The following SYT16 variants were observed in gnomAD, a reference collection of about 807,000 sequenced individuals.
The protein encoded by SYT16 is synaptotagmin 16.
Under a neutral mutation model 61.4 loss-of-function variants are expected in SYT16, and 42 were observed. The ratio of observed to expected loss-of-function variants is 0.68; its 90% CI spans 0.53 to 0.89. SYT16 has a LOEUF of 0.89. SYT16 is among the 40% of genes least tolerant of loss of function. The pLI is 0.00. For synonymous variants in SYT16, 314 were observed against 302.3 expected (o/e 1.04, Z -0.40); for missense variants, 804 against 807.3 (o/e 1.00, Z 0.05).
intron 3 of SYT16, among the ~76,000 whole-genome samples, chr14:62,005,760 C>T (rs1399150771): frequency 6.6e-6 from 1 of 152,278 alleles, no homozygotes; most frequent in African/African-American, 2.4e-5. Flanking sequence ...CTACCACGTA[C>T]AAAACATTGT....
rs76316157 is a variant in SYT16 at position 61,845,878 on chromosome 14, C to T, written c.-325+33068C>T. ...GTTTTGGTATGGGACTTATGTGTTT[C>T]CATTATCATTTGTTTCAAGAAAATT... On this transcript the variant is annotated intron_variant, in intron 1 of 7. Coordinates refer to ENST00000683842, the MANE Select transcript of SYT16 (RefSeq NM_001367656.1). Among the ~76,000 whole-genome samples, 237 of 152,182 alleles carry T rather than the reference C, an allele frequency of 1.6e-3. 2 individuals are homozygous for T. The highest frequency in any genetic ancestry group is 5.4e-3 in the African/African-American group (224 of 41,552).
rs2057444867 is a variant in SYT16 at position 62,102,712 on chromosome 14, T to A, written c.*2005T>A. ...AGTAACATAATAGCAGCATTCATTT[T>A]AAAATTTACATTTGAAAAAAATCTG... On this transcript the variant is annotated 3_prime_UTR_variant, in exon 8 of 8. Transcript: ENST00000683842. 6.6e-6 allele frequency: 1 copy of A among 152,232 alleles called. No homozygotes were observed. Among genetic ancestry groups the A allele is most frequent in the African/African-American group, 2.4e-5 (1 of 41,460 alleles). 9.4% of individuals were successfully genotyped at this position (152,232 alleles called of 1,614,324 possible).
intron 1 of SYT16, chr14:61,832,217 A>G (rs2045961203): frequency 1.6e-6 from 1 of 637,570 alleles, no homozygotes; most frequent in South Asian, 1.4e-5. Context: ...GGTGCTTGAC[A>G]TGGGCCACAT....
At chr14:61,822,926 A>G (rs2045659142) in intron 1 of SYT16, among the ~76,000 whole-genome samples, 1 of 152,184 alleles carries the variant, frequency 6.6e-6, no homozygotes, top group African/African-American at 2.4e-5. Context: ...GTACCTTGCC[A>G]ATGTGTGAGG....
chr14:62,037,598 CTGTT>C (rs1314827669), intron 3 of SYT16, among the ~76,000 whole-genome samples: 1 of 152,140 alleles, frequency 6.6e-6, no homozygotes, highest in East Asian at 1.9e-4. Context: ...ACTTATCTCT[CTGTT>C]AGTTTGAATA....
chr14:62,095,448 C>A (rs919829400), intron 7 of SYT16, among the ~76,000 whole-genome samples: 3 of 151,734 alleles, frequency 2.0e-5, no homozygotes, highest in African/African-American at 7.3e-5. Context: ...TGTTATAATA[C>A]ATCAGCAACA....
intron 3 of SYT16, among the ~76,000 whole-genome samples, chr14:62,009,642 A>T (rs191635346): frequency 1.1e-3 from 166 of 152,282 alleles, no homozygotes; most frequent in African/African-American, 3.9e-3. Context: ...GAGCAGTAAA[A>T]AGACATTGAA....
At chr14:61,834,199 C>T (rs148410171) in intron 1 of SYT16, among the ~76,000 whole-genome samples, 3,067 of 151,970 alleles carry the variant, frequency 0.02, 102 homozygotes, top group African/African-American at 0.07. Context: ...GGTGCGATCT[C>T]GGCTCACTGT....
chr14:61,887,629 C>T (rs1470937806), intron 1 of SYT16, among the ~76,000 whole-genome samples: 2 of 152,240 alleles, frequency 1.3e-5, no homozygotes, highest in African/African-American at 4.8e-5. Flanking sequence ...GCACTTGCTG[C>T]TTTGCCTTGC....
chr14:61,976,073 C>A (rs148755864), intron 2 of SYT16, among the ~76,000 whole-genome samples: 2 of 152,316 alleles, frequency 1.3e-5, no homozygotes, highest in East Asian at 3.9e-4. Context: ...GGGCTACAGG[C>A]CCCATGCAGG....
chr14:62,019,583 C>CT (rs1238345846), intron 3 of SYT16, among the ~76,000 whole-genome samples: 6 of 152,038 alleles, frequency 3.9e-5, no homozygotes, highest in Non-Finnish European at 7.4e-5. Flanking sequence ...TATTGCTGTA[C>CT]TTTTTTTTGT....
intron 1 of SYT16, among the ~76,000 whole-genome samples, chr14:61,885,841 A>C (rs557647130): frequency 1.3e-5 from 2 of 152,324 alleles, no homozygotes; most frequent in South Asian, 2.1e-4. Context: ...ATAGCTAAAA[A>C]ATACCAACAG....
At chr14:61,851,363 A>G (rs2046614535) in intron 1 of SYT16, among the ~76,000 whole-genome samples, 2 of 152,214 alleles carry the variant, frequency 1.3e-5, no homozygotes, top group African/African-American at 2.4e-5. Flanking sequence ...TAGTGCTGCA[A>G]TGAACATACG....
chr14:61,953,429 T>G (rs1003655663), intron 1 of SYT16, among the ~76,000 whole-genome samples: 2 of 152,134 alleles, frequency 1.3e-5, no homozygotes, highest in African/African-American at 4.8e-5. Flanking sequence ...GCCTGCCAAG[T>G]AGTTCTAGAG....
At chr14:61,962,534 T>C (rs2051156355) in intron 1 of SYT16, among the ~76,000 whole-genome samples, 1 of 152,196 alleles carries the variant, frequency 6.6e-6, no homozygotes. Flanking sequence ...TTCATAAATC[T>C]GGATGTCTAT....
chr14:61,889,447 C>T (rs1002178207), intron 1 of SYT16, among the ~76,000 whole-genome samples: 2 of 152,068 alleles, frequency 1.3e-5, no homozygotes, highest in Admixed American at 6.5e-5. Flanking sequence ...TAATGGGAGA[C>T]GTTTGGGTCA....
intron 1 of SYT16, among the ~76,000 whole-genome samples, chr14:61,891,814 T>A (rs1432765722): frequency 6.6e-6 from 1 of 152,192 alleles, no homozygotes; most frequent in Non-Finnish European, 1.5e-5. Context: ...AAGTTCTTAT[T>A]TTGGTAGAAG....
rs1464367080 is a variant in SYT16 at position 62,108,226 on chromosome 14, T to A, written c.*7519T>A. 2 of 152,210 alleles carry A rather than the reference T, an allele frequency of 1.3e-5. No individual in the cohort carries two copies. Among genetic ancestry groups the A allele is most frequent in the African/African-American group, 4.8e-5 (2 of 41,458 alleles). The allele number at this position is 152,210 out of a possible 1,614,324, so 9.4% of individuals were successfully genotyped here. Reference sequence around the variant, plus strand: ...GCAGGAGTTTTTCCAATGGATTTATTGTTTATAATTCTACTAAACATGTCT... The same window carrying A: ...GCAGGAGTTTTTCCAATGGATTTATAGTTTATAATTCTACTAAACATGTCT... On this transcript the variant is annotated 3_prime_UTR_variant, in exon 8 of 8. Coordinates refer to ENST00000683842, the MANE Select transcript of SYT16 (RefSeq NM_001367656.1).
chr14:61,926,294 C>T (rs911501295), intron 1 of SYT16, among the ~76,000 whole-genome samples: 1 of 152,074 alleles, frequency 6.6e-6, no homozygotes, highest in African/African-American at 2.4e-5. Context: ...TCATGGGAAA[C>T]ACAGTGTTTA....
Sources: allele counts gnomAD v4.1 joint callset (sites outside exome capture counted in the v4.1 genomes callset), GRCh38; gene constraint gnomAD v4.1.1; transcripts MANE v1.5; gene names NCBI Gene and HGNC (gene_info 2026-07-23, HGNC 2026-07-21).